DIRAS2: variants seen among roughly 807,000 people sequenced by gnomAD.
The protein encoded by DIRAS2 is GTP-binding protein Di-Ras2.
In DIRAS2, 5 loss-of-function variants were observed where a neutral mutation model predicts 13.9. The ratio of observed to expected loss-of-function variants is 0.36; its 90% confidence interval spans 0.19 to 0.76. DIRAS2 has a LOEUF of 0.76. Among genes scored for constraint, DIRAS2 ranks in the 30% least tolerant of loss-of-function variants. DIRAS2 has a pLI of 0.53. For synonymous variants in DIRAS2, 111 were observed against 105.4 expected, an observed-to-expected ratio of 1.05 and a Z score of -0.33; for missense variants, 191 against 263.0, an observed-to-expected ratio of 0.73 and a Z score of 1.89.
chr9:90,626,960 C>T (rs1456184992), intron 1 of DIRAS2, among the ~76,000 whole-genome samples: 3 of 152,194 alleles, frequency 2.0e-5, no homozygotes, highest in African/African-American at 7.2e-5. Flanking sequence ...AATTGTAAGC[C>T]CCAATGCTGG....
chr9:90,613,571 T>C lies in DIRAS2; in HGVS notation c.257A>G (p.Tyr86Cys). ...CAAGGACTGTCGGCTGGTAATGGAG[T>C]ACACCAGGATGAAGGCGTGCCCTTT... ...ISKGHAFILV[Y>C]SITSRQSLEE... The change falls in exon 2 of 2, where the codon TAC becomes TGC. Residue 86 changes from tyrosine to cysteine, a missense_variant. Physicochemically the swap from Tyr to Cys is radical, Grantham distance 194. Coordinates refer to ENST00000375765, the MANE Select transcript of DIRAS2 (RefSeq NM_017594.5). This position sits in a 1 kb window ranked among gnomAD's most constrained non-coding sequence, Gnocchi z 5.6. 6.2e-7 allele frequency: 1 copy of C among 1,614,012 alleles called. No homozygotes were observed. Among genetic ancestry groups the C allele is most frequent in the Non-Finnish European group, 8.5e-7 (1 of 1,180,006 alleles).
chr9:90,638,025 C>G (rs1312908442), intron 1 of DIRAS2, among the ~76,000 whole-genome samples: 5 of 152,190 alleles, frequency 3.3e-5, no homozygotes, highest in African/African-American at 1.2e-4. Flanking sequence ...GTCTTCTGGA[C>G]AGAAATTTAA....
At chr9:90,640,816 C>T (rs765655936) in intron 1 of DIRAS2, among the ~76,000 whole-genome samples, 1 of 152,176 alleles carries the variant, frequency 6.6e-6, no homozygotes, top group South Asian at 2.1e-4. Context: ...CAAAGAAATT[C>T]TCTGGTGGAA....
At chr9:90,628,492 T>A (rs1825292294) in intron 1 of DIRAS2, among the ~76,000 whole-genome samples, 1 of 151,198 alleles carries the variant, frequency 6.6e-6, no homozygotes, top group Non-Finnish European at 1.5e-5. Flanking sequence ...AACTGGATAA[T>A]ATATGAAATG....
intron 1 of DIRAS2, among the ~76,000 whole-genome samples, chr9:90,628,356 T>C (rs1351782478): frequency 6.6e-6 from 1 of 152,212 alleles, no homozygotes; most frequent in African/African-American, 2.4e-5. Context: ...CAAGTTGAAA[T>C]GATCATCTTT....
chr9:90,624,846 C>T (rs1825253476), intron 1 of DIRAS2, among the ~76,000 whole-genome samples: 1 of 152,130 alleles, frequency 6.6e-6, no homozygotes, highest in South Asian at 2.1e-4. Context: ...TCCCGAGTAG[C>T]TGGGACTACA....
intron 1 of DIRAS2, among the ~76,000 whole-genome samples, chr9:90,634,046 G>T (rs1180970078): frequency 3.9e-5 from 6 of 152,198 alleles, no homozygotes; most frequent in Non-Finnish European, 7.3e-5. Flanking sequence ...GAATTTACTA[G>T]CAAGATCAAG....
intron 1 of DIRAS2, among the ~76,000 whole-genome samples, chr9:90,634,607 T>C (rs1825354874): frequency 6.6e-6 from 1 of 152,158 alleles, no homozygotes; most frequent in South Asian, 2.1e-4. Context: ...CAGGAACTCC[T>C]ATGGGGAGAT....
chr9:90,619,623 T>C (rs1262636828), intron 1 of DIRAS2, among the ~76,000 whole-genome samples: 1 of 152,148 alleles, frequency 6.6e-6, no homozygotes, highest in Non-Finnish European at 1.5e-5. Flanking sequence ...TATTGCTGTT[T>C]TGGAAAAAAT....
chr9:90,619,409 C>G (rs1223071965), intron 1 of DIRAS2, among the ~76,000 whole-genome samples: 4 of 152,148 alleles, frequency 2.6e-5, no homozygotes, highest in Non-Finnish European at 5.9e-5. Flanking sequence ...CGTCATTTCA[C>G]TACAGCCTGG....
In DIRAS2 at chr9:90,610,414, C is replaced by A. The variant is rs1825099854; in HGVS notation, c.*2814G>T. 1 of 398,852 alleles carries A rather than the reference C, an allele frequency of 2.5e-6. No individual in the cohort carries two copies. The allele number at this position is 398,852 out of a possible 1,614,324, so 24.7% of individuals were successfully genotyped here. A position where few individuals can be genotyped will look rare whatever the true frequency, so the allele number is the denominator to read the frequency against. ...TGGTCTTGCTGCATTGTATGCATGC[C>A]CATGGCTTGTCGCTGGATGGAGGAG... is the stretch of plus-strand genomic sequence containing the variant. On this transcript the variant is annotated 3_prime_UTR_variant, in exon 2 of 2. Transcript: ENST00000375765.
In DIRAS2 at chr9:90,633,304, T is replaced by C. The variant is rs542496911; in HGVS notation, c.-37+9448A>G. Among the ~76,000 whole-genome samples, 49 of 152,214 alleles carry C rather than the reference T, an allele frequency of 3.2e-4. No homozygotes were observed. The South Asian group carries it at 1.0e-2, about 31-fold the overall frequency. Reference sequence around the variant, plus strand: ...GTGATGGGTCGGTGGGAAAAGGGGTTGAGGTAGACTGGAGGAGAAGGAAGC... The same window carrying C: ...GTGATGGGTCGGTGGGAAAAGGGGTCGAGGTAGACTGGAGGAGAAGGAAGC... On this transcript the variant is annotated intron_variant, in intron 1 of 1. Transcript: ENST00000375765.
At chr9:90,633,079 G>A (rs1458568914) in intron 1 of DIRAS2, among the ~76,000 whole-genome samples, 3 of 11,716 alleles carry the variant, frequency 2.6e-4, no homozygotes, top group African/African-American at 2.0e-3. Context: ...ACCGTGGGTT[G>A]CCAGGGGAAG....
chr9:90,618,856 G>T (rs1825193250), intron 1 of DIRAS2, among the ~76,000 whole-genome samples: 1 of 152,144 alleles, frequency 6.6e-6, no homozygotes, highest in African/African-American at 2.4e-5. Context: ...ATAGTCACCA[G>T]GGAAGTGCAA....
intron 1 of DIRAS2, among the ~76,000 whole-genome samples, chr9:90,615,516 T>C (rs1825161023): frequency 6.6e-6 from 1 of 152,270 alleles, no homozygotes; most frequent in Admixed American, 6.5e-5. Flanking sequence ...AGCATTGTGA[T>C]AAATTTTTCC....
intron 1 of DIRAS2, among the ~76,000 whole-genome samples, chr9:90,630,170 C>T (rs931879210): frequency 6.6e-6 from 1 of 152,204 alleles, no homozygotes; most frequent in Non-Finnish European, 1.5e-5. Context: ...TTCTCCAGCA[C>T]TTCCATGCCT....
At chr9:90,618,123 A>C (rs2118546152) in intron 1 of DIRAS2, among the ~76,000 whole-genome samples, 1 of 152,352 alleles carries the variant, frequency 6.6e-6, no homozygotes, top group Middle Eastern at 3.4e-3. Context: ...ATGTTGAAAA[A>C]TTAAAAGTGA....
chr9:90,626,727 T>C (rs1331726864), intron 1 of DIRAS2, among the ~76,000 whole-genome samples: 1 of 152,140 alleles, frequency 6.6e-6, no homozygotes, highest in Admixed American at 6.6e-5. Context: ...AAAGATAGAA[T>C]TACTGTATGA....
Position 90,612,758 on chromosome 9 carries a change from G to A in DIRAS2, c.*470C>T. On this transcript the variant is annotated 3_prime_UTR_variant, in exon 2 of 2. Transcript: ENST00000375765. ...AAAAAGTGTAAAATGGACCAAGTGT[G>A]GTCCACTTTGGACCATCTGATCTTC... The A allele has an allele frequency of 6.1e-6, 1 of 164,500 alleles. No individual in the cohort carries two copies. Among genetic ancestry groups the A allele is most frequent in the South Asian group, 1.7e-4 (1 of 5,942 alleles). 10.2% of individuals were successfully genotyped at this position (164,500 alleles called of 1,614,324 possible). A position where few individuals can be genotyped will look rare whatever the true frequency, so the allele number is the denominator to read the frequency against.
Sources: allele counts gnomAD v4.1 joint callset (sites outside exome capture counted in the v4.1 genomes callset), GRCh38; gene constraint gnomAD v4.1.1; non-coding constraint Gnocchi (gnomAD v3.1); transcripts MANE v1.5; gene names NCBI Gene and HGNC (gene_info 2026-07-23, HGNC 2026-07-21).